SAR1B: variants seen among roughly 807,000 people sequenced by gnomAD.
SAR1B encodes the protein small COPII coat GTPase SAR1B.
A neutral mutation model predicts 26.8 loss-of-function variants in SAR1B; 23 were observed. That is an observed-to-expected ratio of 0.86 (90% CI 0.62 to 1.22). The LOEUF (loss-of-function observed/expected upper bound fraction) is 1.22, where lower values mean the gene tolerates loss of function less well. Among genes scored for constraint, SAR1B ranks in the 50% most tolerant of loss-of-function variants. The pLI, the probability that SAR1B is intolerant of heterozygous loss-of-function variation, is 0.00. For missense variants in SAR1B, 196 were observed against 232.8 expected, an observed-to-expected ratio of 0.84 and a Z score of 1.03; for synonymous variants, 65 against 80.8, an observed-to-expected ratio of 0.80 and a Z score of 1.05.
At position 134,604,114 on chromosome 5, in the gene SAR1B, A is replaced by C. The variant is rs1349031423; in HGVS notation, c.*2836T>G. 6.6e-6 allele frequency: 1 copy of C among 152,244 alleles called. No individual in the cohort carries two copies. Among genetic ancestry groups the C allele is most frequent in the Non-Finnish European group, 1.5e-5 (1 of 68,042 alleles). 9.4% of individuals were successfully genotyped at this position (152,244 alleles called of 1,614,324 possible). A position where few individuals can be genotyped will look rare whatever the true frequency, so the allele number is the denominator to read the frequency against. On this transcript the variant is annotated 3_prime_UTR_variant, in exon 7 of 7. Transcript: ENST00000402673. ...TCACTGAGATAAACTGAAATCTATC[A>C]ATTTAACCAGCTGTGATCCAAAAGT...
In SAR1B at chr5:134,620,951, C is replaced by T; in HGVS notation, c.160G>A (p.Val54Ile). The T allele has an allele frequency of 2.5e-6, 4 of 1,613,840 alleles. No individual in the cohort carries two copies. Among genetic ancestry groups the T allele is most frequent in the East Asian group, 2.2e-5 (1 of 44,886 alleles). The change falls in exon 3 of 7, where the codon GTC becomes ATC. Residue 54 changes from valine to isoleucine, a missense_variant. Val to Ile is a conservative substitution (Grantham distance 29). Transcript: ENST00000402673. The part of the protein sequence containing the change: ...MLKDDRLGQH[V>I]PTLHPTSEEL... ...TACTTACTGGGATGTAATGTTGGGA[C>T]ATGTTGTCCAAGTCTGTCATCTTTT...
At position 134,605,904 on chromosome 5, in the gene SAR1B, G is replaced by C. The variant is rs1237733364; in HGVS notation, c.*1046C>G. On this transcript the variant is annotated 3_prime_UTR_variant, in exon 7 of 7. Coordinates refer to ENST00000402673, the MANE Select transcript of SAR1B (RefSeq NM_016103.4). The stretch of plus-strand genomic sequence containing the variant: ...ATATACATGTCTCTACAATGAAACT[G>C]CACACAAGGTCCTACTTATTGCTTG... 6.6e-6 allele frequency: 1 copy of C among 152,162 alleles called. No individual in the cohort carries two copies. Among genetic ancestry groups the C allele is most frequent in the Non-Finnish European group, 1.5e-5 (1 of 68,032 alleles). The allele number at this position is 152,162 out of a possible 1,614,324, so 9.4% of individuals were successfully genotyped here.
chr5:134,624,429 G>T (rs1324169860), intron 1 of SAR1B, among the ~76,000 whole-genome samples: 1 of 152,074 alleles, frequency 6.6e-6, no homozygotes. Flanking sequence ...GCTGAGGTGG[G>T]ACGATTGCTT....
At chr5:134,613,575 C>T (rs971237656) in intron 3 of SAR1B, 1 of 152,158 alleles carries the variant, frequency 6.6e-6, no homozygotes, top group Non-Finnish European at 1.5e-5. Flanking sequence ...ACAAATCCAA[C>T]ATTTATTTTT....
intron 4 of SAR1B, among the ~76,000 whole-genome samples, chr5:134,611,567 T>A (rs1030501501): frequency 6.6e-6 from 1 of 151,416 alleles, no homozygotes. Flanking sequence ...CAAAAAAAAT[T>A]TTTTTTAATT....
intron 5 of SAR1B, chr5:134,608,936 C>A: frequency 2.7e-6 from 1 of 368,144 alleles, no homozygotes; most frequent in South Asian, 2.1e-5. Context: ...AGTAGGAACT[C>A]AGGCATTCTC....
intron 1 of SAR1B, among the ~76,000 whole-genome samples, chr5:134,624,752 C>A (rs1402175983): frequency 2.6e-5 from 4 of 151,268 alleles, no homozygotes; most frequent in Non-Finnish European, 5.9e-5. Context: ...CTCAGCCTCT[C>A]GAGTAGCTGG....
At chr5:134,624,281 C>T (rs994445663) in intron 1 of SAR1B, among the ~76,000 whole-genome samples, 2 of 152,090 alleles carry the variant, frequency 1.3e-5, no homozygotes, top group Non-Finnish European at 2.9e-5. Context: ...TGGTCATGGG[C>T]CCCTGTAATC....
intron 3 of SAR1B, among the ~76,000 whole-genome samples, chr5:134,618,832 T>C (rs1046761978): frequency 6.6e-6 from 1 of 151,680 alleles, no homozygotes; most frequent in Non-Finnish European, 1.5e-5. Context: ...ACCTGGTCTC[T>C]ACTAAAAATA....
At chr5:134,627,801 AAAATAAATAAATAAAT>A (rs199626448) in intron 1 of SAR1B, among the ~76,000 whole-genome samples, 18 of 134,522 alleles carry the variant, frequency 1.3e-4, no homozygotes, top group African/African-American at 3.3e-4. Context: ...TCCATCCCAA[AAAATAAATAAATAAAT>A]AAATAAATAA....
At position 134,622,279 on chromosome 5, in the gene SAR1B, C is replaced by A. The variant is rs1041257714; in HGVS notation, c.59-1227G>T. 3.3e-5 allele frequency among the ~76,000 whole-genome samples: 5 copies of A among 152,202 alleles called. No homozygotes were observed. In the East Asian group the frequency reaches 9.6e-4, roughly 29 times the overall value. ...ATATATTTTATCATTAAGGAATCTA[C>A]TTCTATGACTGTCACTACTATGAGT... On this transcript the variant is annotated intron_variant, in intron 2 of 6. Transcript: ENST00000402673.
rs1765029103 is a variant in SAR1B at position 134,601,285 on chromosome 5, T to G, written c.*5665A>C. 1 of 152,226 alleles carries G rather than the reference T, an allele frequency of 6.6e-6. No homozygotes were observed. The highest frequency in any genetic ancestry group is 6.5e-5 in the Admixed American group (1 of 15,278). The allele number at this position is 152,226 out of a possible 1,614,324, so 9.4% of individuals were successfully genotyped here. On this transcript the variant is annotated 3_prime_UTR_variant, in exon 7 of 7. Transcript: ENST00000402673. ...CGTTTAACCATCTATTATAGCTCTT[T>G]GTTGTAAAACACACAAAGTTAAACA... is the stretch of plus-strand genomic sequence containing the variant.
intron 4 of SAR1B, among the ~76,000 whole-genome samples, chr5:134,611,698 G>A (rs188509954): frequency 8.6e-4 from 131 of 152,240 alleles, no homozygotes; most frequent in Non-Finnish European, 1.5e-3. Context: ...GTATAGCTGA[G>A]AGCACTCCAA....
intron 3 of SAR1B, among the ~76,000 whole-genome samples, chr5:134,617,241 A>AT (rs1374275765): frequency 6.6e-6 from 1 of 152,150 alleles, no homozygotes; most frequent in Non-Finnish European, 1.5e-5. Context: ...CAAAAAAAAA[A>AT]AATAATAATA....
chr5:134,618,393 T>G (rs1765349128), intron 3 of SAR1B: 1 of 152,216 alleles, frequency 6.6e-6, no homozygotes, highest in Admixed American at 6.5e-5. Flanking sequence ...ATAAAATACT[T>G]TGTTTTGTTC....
chr5:134,626,724 T>C (rs1002757429), intron 1 of SAR1B, among the ~76,000 whole-genome samples: 1 of 152,182 alleles, frequency 6.6e-6, no homozygotes, highest in Non-Finnish European at 1.5e-5. Flanking sequence ...GGATGGCTCA[T>C]TTAAATGAAA....
At chr5:134,608,292 T>A in intron 6 of SAR1B, 80 bp downstream of exon 6, 1 of 1,391,320 alleles carries the variant, frequency 7.2e-7, no homozygotes, top group South Asian at 1.3e-5. Flanking sequence ...TGGGCTTGTA[T>A]AGTTGGACAA....
chr5:134,618,462 CT>C (rs1765349715), intron 3 of SAR1B: 1 of 152,086 alleles, frequency 6.6e-6, no homozygotes, highest in Non-Finnish European at 1.5e-5. Context: ...GTATTATCTA[CT>C]TTTTGGTCCA....
Position 134,623,964 on chromosome 5 carries a change from A to G in SAR1B, c.56T>C (p.Leu19Ser). ...YSGFSSVLQF[L>S]GLYKKTGKLV... ...AGAGAACAAAGGACCAACATTACCT[A>G]AAAACTGTAGCACACTGCTGAAACC... Residue 19 changes from leucine to serine, a missense_variant and splice_region_variant, in exon 2 of 7, where the codon TTA (leucine) becomes TCA (serine). Coordinates refer to ENST00000402673, the MANE Select transcript of SAR1B (RefSeq NM_016103.4). 6.2e-7 allele frequency: 1 copy of G among 1,602,834 alleles called. No individual in the cohort carries two copies. The highest frequency in any genetic ancestry group is 8.5e-7 in the Non-Finnish European group (1 of 1,169,750).
Sources: gnomAD v4.1 joint callset for allele counts (sites outside exome capture counted in the v4.1 genomes callset) on GRCh38, gnomAD v4.1.1 for gene constraint, MANE v1.5 for transcripts, NCBI Gene and HGNC (gene_info 2026-07-23, HGNC 2026-07-21) for gene names.